Variants in SLC25A27 observed in about 807,000 individuals in gnomAD.
SLC25A27 encodes solute carrier family 25 member 27, also known as mitochondrial uncoupling protein 4.
SLC25A27 carries 35 observed loss-of-function variants against 49.1 expected under a neutral mutation model. The observed-to-expected ratio is 0.71, with a 90% CI of 0.54 to 0.95. The LOEUF is 0.95. Ranked by LOEUF, SLC25A27 falls within the 40% of genes least tolerant of loss-of-function variation. SLC25A27 has a pLI of 0.00. For missense variants in SLC25A27, 339 were observed against 397.1 expected, an observed-to-expected ratio of 0.85 and a Z score of 1.24; for synonymous variants, 144 against 136.9, an observed-to-expected ratio of 1.05 and a Z score of -0.36.
intron 1 of SLC25A27, among the ~76,000 whole-genome samples, chr6:46,655,486 A>G (rs1431128132): frequency 6.8e-6 from 1 of 147,670 alleles, no homozygotes; most frequent in Non-Finnish European, 1.5e-5. Context: ...TAAATTTCTG[A>G]ATAGAAAGAA....
At chr6:46,665,195 T>C (rs986918412) in intron 5 of SLC25A27, among the ~76,000 whole-genome samples, 1 of 152,216 alleles carries the variant, frequency 6.6e-6, no homozygotes, top group African/African-American at 2.4e-5. Context: ...TTAAAACTGA[T>C]ATATACAGCT....
In SLC25A27 at chr6:46,676,411, C is replaced by T. The variant is rs747749538; in HGVS notation, c.929C>T (p.Thr310Ile). 1.2e-6 allele frequency: 2 copies of T among 1,613,946 alleles called. No homozygotes were observed. The highest frequency in any genetic ancestry group is 1.7e-6 in the Non-Finnish European group (2 of 1,179,896). ...MTPWSMVFWL[T>I]YEKIREMSGV... The stretch of plus-strand genomic sequence containing the variant: ...CCTTGGTCAATGGTGTTCTGGCTTA[C>T]TTATGAAAAAATCAGAGAGATGAGT... The change falls in exon 9 of 9, where the codon ACT (threonine) becomes ATT (isoleucine). Residue 310 changes from threonine (T) to isoleucine (I), a missense_variant. Transcript: ENST00000371347.
chr6:46,659,109 T>C (rs1240447411), intron 3 of SLC25A27, 63 bp downstream of exon 3: 2 of 1,053,418 alleles, frequency 1.9e-6, no homozygotes, highest in African/African-American at 1.6e-5. Context: ...ATTAGGTTTA[T>C]GTAAAATTGT....
chr6:46,668,908 A>T, intron 6 of SLC25A27, 115 bp downstream of exon 6: 1 of 604,594 alleles, frequency 1.7e-6, no homozygotes, highest in Non-Finnish European at 3.0e-6. Flanking sequence ...TCACCTTTAG[A>T]GAAGAGTACA....
At chr6:46,667,758 C>T (rs1230900412) in intron 5 of SLC25A27, among the ~76,000 whole-genome samples, 3 of 152,332 alleles carry the variant, frequency 2.0e-5, no homozygotes, top group Non-Finnish European at 4.4e-5. Flanking sequence ...CTCTGGTACT[C>T]TCTGTCCCCT....
chr6:46,653,198 C>G lies in SLC25A27; in HGVS notation c.6C>G (p.Ser2=), dbSNP rs564143159. 6 of 1,613,074 alleles carry G rather than the reference C, an allele frequency of 3.7e-6. No homozygotes were observed. Among genetic ancestry groups the G allele is most frequent in the South Asian group, 2.2e-5 (2 of 90,954 alleles). ...TCGTCTTGCGCTACTGCTGAATGTC[C>G]GTCCCGGAGGAGGAGGAGAGGCTTT... M[S]VPEEEERLLP... is the part of the protein sequence containing the mutation. The change falls in exon 1 of 9, where the codon TCC becomes TCG. Residue 2 remains serine (S), a synonymous_variant. Transcript: ENST00000371347.
At chr6:46,656,300 C>T (rs1373289936) in intron 2 of SLC25A27, among the ~76,000 whole-genome samples, 1 of 151,772 alleles carries the variant, frequency 6.6e-6, no homozygotes, top group African/African-American at 2.4e-5. Context: ...CCTGACTCAG[C>T]CTCCTGAGTA....
rs1308118475 is a variant in SLC25A27, at chr6:46,655,939, A to C, written c.203A>C (p.Tyr68Ser). 14 of 1,613,802 alleles carry C rather than the reference A, an allele frequency of 8.7e-6. No individual in the cohort carries two copies. Among genetic ancestry groups the C allele is most frequent in the Non-Finnish European group, 1.2e-5 (14 of 1,179,968 alleles). Reference sequence around the variant, plus strand: ...GACGGTGCAAGAGAATCTGCCCCCTATAGGGGAATGGTGCGCACAGCTCTA... The same window carrying C: ...GACGGTGCAAGAGAATCTGCCCCCTCTAGGGGAATGGTGCGCACAGCTCTA... ...LGDGARESAP[Y>S]RGMVRTALGI... Residue 68 changes from tyrosine (Y) to serine (S), a missense_variant, in exon 2 of 9, where the codon TAT becomes TCT. By Grantham distance (144) the Tyr-to-Ser change is moderately radical. Transcript: ENST00000371347.
At chr6:46,668,289 G>C (rs761729072) in intron 5 of SLC25A27, among the ~76,000 whole-genome samples, 1 of 152,174 alleles carries the variant, frequency 6.6e-6, no homozygotes, top group Non-Finnish European at 1.5e-5. Flanking sequence ...AGTGAGCCGC[G>C]ATCACGCCAC....
At chr6:46,655,528 AAT>A (rs1762941897) in intron 1 of SLC25A27, among the ~76,000 whole-genome samples, 1 of 76,528 alleles carries the variant, frequency 1.3e-5, no homozygotes, top group South Asian at 5.5e-4. Context: ...TTTTATTGTT[AAT>A]GTTTGTTTTT....
In SLC25A27 at chr6:46,676,456, C is replaced by A. The variant is rs200789941; in HGVS notation, c.*2C>A. ...ATGAGTGGAGTCAGTCCATTTTAAA[C>A]CCCTAAAGATGCAACCCTTAAAGAT... On this transcript the variant is annotated 3_prime_UTR_variant, in exon 9 of 9. Coordinates refer to ENST00000371347, the MANE Select transcript of SLC25A27 (RefSeq NM_004277.5). 5.1e-5 allele frequency: 83 copies of A among 1,613,774 alleles called. No homozygotes were observed. The highest frequency in any genetic ancestry group is 1.6e-5 in the Non-Finnish European group (19 of 1,179,852).
chr6:46,670,302 A>C (rs904129900), intron 7 of SLC25A27, 75 bp downstream of exon 7: 44 of 925,256 alleles, frequency 4.8e-5, no homozygotes, highest in Non-Finnish European at 6.7e-5. Context: ...GCATCTCTGC[A>C]TTTTTTATTG....
At chr6:46,656,390 G>A (rs1762980816) in intron 2 of SLC25A27, among the ~76,000 whole-genome samples, 1 of 149,990 alleles carries the variant, frequency 6.7e-6, no homozygotes, top group Non-Finnish European at 1.5e-5. Flanking sequence ...CTGTTGCCCA[G>A]GCTGGAGCAC....
intron 3 of SLC25A27, among the ~76,000 whole-genome samples, chr6:46,661,191 C>T (rs1178429242): frequency 1.3e-5 from 2 of 151,554 alleles, no homozygotes; most frequent in Non-Finnish European, 2.9e-5. Context: ...TGTATGTGCT[C>T]ATCATTGTGT....
At chr6:46,656,953 C>G (rs796394771) in intron 2 of SLC25A27, among the ~76,000 whole-genome samples, 8 of 152,216 alleles carry the variant, frequency 5.3e-5, no homozygotes, top group African/African-American at 1.9e-4. Flanking sequence ...ATTGCTTGAG[C>G]CCAGGAGTTC....
chr6:46,670,605 A>G (rs574500288), intron 7 of SLC25A27: 97 of 198,666 alleles, frequency 4.9e-4, no homozygotes, highest in South Asian at 2.4e-3. Flanking sequence ...AAAAGATAGA[A>G]TGAATTCTAA....
chr6:46,655,685 T>C (rs1165468519), intron 1 of SLC25A27, among the ~76,000 whole-genome samples, 158 bp from the exon 2 acceptor site: 1 of 151,958 alleles, frequency 6.6e-6, no homozygotes, highest in African/African-American at 2.4e-5. Context: ...GGCACGGGGC[T>C]AGGAAATTTC....
chr6:46,675,972 T>C (rs1163506180), intron 8 of SLC25A27, among the ~76,000 whole-genome samples: 1 of 152,162 alleles, frequency 6.6e-6, no homozygotes, highest in Non-Finnish European at 1.5e-5. Flanking sequence ...ATATACAAAC[T>C]AGATATAGAA....
chr6:46,671,176 G>A lies in SLC25A27; in HGVS notation c.848G>A (p.Gly283Asp), dbSNP rs200844401. The A allele has an allele frequency of 3.8e-4, 617 of 1,603,022 alleles. 2 individuals are homozygous for A. The African/African-American group carries it at 7.3e-3, about 19-fold the overall frequency. The change falls in exon 8 of 9, where the codon GGT becomes GAT. Residue 283 changes from glycine (G) to aspartate (D), a missense_variant. Physicochemically the swap from Gly to Asp is moderately conservative, Grantham distance 94. Transcript: ENST00000371347. ...GACTGCTTGATTCAGGCTGTTCAAG[G>A]TGAAGGATTCATGAGTCTATATAAA... ...STDCLIQAVQGEGFMSLYKGF... is the reference protein window; with the variant it reads ...STDCLIQAVQDEGFMSLYKGF...
Sources: allele counts gnomAD v4.1 joint callset (sites outside exome capture counted in the v4.1 genomes callset), GRCh38; gene constraint gnomAD v4.1.1; transcripts MANE v1.5; gene names NCBI Gene and HGNC (gene_info 2026-07-23, HGNC 2026-07-21).